Variants in TAFA5 observed in about 807,000 individuals in gnomAD.
TAFA5 encodes the protein chemokine-like protein TAFA-5.
TAFA5 carries 6 observed loss-of-function variants against 15.3 expected under a neutral mutation model. That is an observed-to-expected ratio of 0.39 (90% CI 0.21 to 0.77). The LOEUF (loss-of-function observed/expected upper bound fraction) is 0.77. TAFA5 is among the 30% of genes least tolerant of loss of function. TAFA5 has a pLI of 0.41. For missense variants in TAFA5, 161 were observed against 193.1 expected (o/e 0.83, Z 0.98); for synonymous variants, 103 against 80.7 (o/e 1.28, Z -1.48).
intron 1 of TAFA5, among the ~76,000 whole-genome samples, chr22:48,597,816 G>A (rs1924824332): frequency 1.3e-5 from 2 of 152,266 alleles, no homozygotes; most frequent in African/African-American, 4.8e-5. Context: ...CTCTGGGTGT[G>A]GAGACCCTGG....
chr22:48,504,044 A>G (rs1920970355), intron 1 of TAFA5, among the ~76,000 whole-genome samples: 1 of 152,150 alleles, frequency 6.6e-6, no homozygotes, highest in Non-Finnish European at 1.5e-5. Context: ...CCAGAACTCA[A>G]CACCCAGTTG....
In TAFA5 at chr22:48,588,384, G is replaced by A. The variant is rs368252478; in HGVS notation, c.113-58213G>A. 8.5e-5 allele frequency among the ~76,000 whole-genome samples: 13 copies of A among 152,306 alleles called. No individual in the cohort carries two copies. The East Asian group carries it at 2.1e-3, about 25-fold the overall frequency. On this transcript the variant is annotated intron_variant, in intron 1 of 3. Coordinates refer to ENST00000402357, the MANE Select transcript of TAFA5 (RefSeq NM_001082967.3). ...CCGAGAACCAGGTGCCCTCTCTCCCGACTTTGCTCCCTGGATGGGGCTGCA... is the reference window on the plus strand; with the variant it reads ...CCGAGAACCAGGTGCCCTCTCTCCCAACTTTGCTCCCTGGATGGGGCTGCA...
chr22:48,652,900 C>T (rs986534526), intron 2 of TAFA5, among the ~76,000 whole-genome samples: 3 of 152,252 alleles, frequency 2.0e-5, no homozygotes, highest in Admixed American at 6.5e-5. Flanking sequence ...AGGCCATGGG[C>T]GACTGGGTGT....
At chr22:48,640,062 C>T (rs1926617418) in intron 1 of TAFA5, among the ~76,000 whole-genome samples, 1 of 152,204 alleles carries the variant, frequency 6.6e-6, no homozygotes, top group East Asian at 1.9e-4. Flanking sequence ...TGCTGCAGCC[C>T]CTGAACCCAG....
intron 1 of TAFA5, among the ~76,000 whole-genome samples, chr22:48,576,738 G>T (rs991326652): frequency 1.3e-5 from 2 of 151,512 alleles, no homozygotes; most frequent in African/African-American, 4.8e-5. Flanking sequence ...CCTACCAGGA[G>T]CCCGACCCCC....
chr22:48,730,069 A>G (rs1165353908), intron 3 of TAFA5, among the ~76,000 whole-genome samples: 2 of 152,090 alleles, frequency 1.3e-5, no homozygotes, highest in African/African-American at 4.8e-5. Context: ...ATAACAGCAC[A>G]CTGAATTCTG....
chr22:48,689,898 G>A (rs1928484000), intron 2 of TAFA5, among the ~76,000 whole-genome samples: 1 of 152,160 alleles, frequency 6.6e-6, no homozygotes, highest in Non-Finnish European at 1.5e-5. Context: ...TCACTAGCAA[G>A]GTCCTTGCTG....
At chr22:48,746,560 C>G (rs1930333701) in intron 3 of TAFA5, among the ~76,000 whole-genome samples, 1 of 152,220 alleles carries the variant, frequency 6.6e-6, no homozygotes, top group African/African-American at 2.4e-5. Context: ...AGCCATAGCA[C>G]TAACTCAGGA....
At chr22:48,618,633 C>T (rs928239581) in intron 1 of TAFA5, among the ~76,000 whole-genome samples, 2 of 152,216 alleles carry the variant, frequency 1.3e-5, no homozygotes, top group East Asian at 1.9e-4. Context: ...GCCTTGTCCA[C>T]GCCCGCAGCT....
intron 1 of TAFA5, among the ~76,000 whole-genome samples, chr22:48,607,985 A>G (rs766993992): frequency 7.5e-6 from 1 of 133,466 alleles, no homozygotes; most frequent in Non-Finnish European, 1.7e-5. Context: ...CCCCGGGCCC[A>G]TCCCTCTCCA....
intron 2 of TAFA5, among the ~76,000 whole-genome samples, chr22:48,658,507 G>A (rs189700721): frequency 1.2e-4 from 18 of 152,368 alleles, no homozygotes; most frequent in Middle Eastern, 3.4e-3. Context: ...ACGGAGCACC[G>A]TGACAGTTGA....
At chr22:48,678,119 C>T (rs754864519) in intron 2 of TAFA5, among the ~76,000 whole-genome samples, 1 of 152,190 alleles carries the variant, frequency 6.6e-6, no homozygotes, top group African/African-American at 2.4e-5. Context: ...CCTCCTGAGC[C>T]GCCTCCCTCA....
At chr22:48,533,695 A>C (rs1444202963) in intron 1 of TAFA5, among the ~76,000 whole-genome samples, 2 of 152,214 alleles carry the variant, frequency 1.3e-5, no homozygotes, top group Non-Finnish European at 2.9e-5. Flanking sequence ...CCCTCTGGGC[A>C]TCTTGGTCCC....
chr22:48,741,815 G>A (rs1318116841), intron 3 of TAFA5, among the ~76,000 whole-genome samples: 1 of 152,208 alleles, frequency 6.6e-6, no homozygotes, highest in Non-Finnish European at 1.5e-5. Flanking sequence ...CATCCAGTCT[G>A]GGGTACCTGG....
chr22:48,518,021 T>A (rs1921475311), intron 1 of TAFA5, among the ~76,000 whole-genome samples: 1 of 152,180 alleles, frequency 6.6e-6, no homozygotes. Flanking sequence ...CTCTGAACGC[T>A]GGCCGTGGTC....
chr22:48,738,512 G>A (rs984248338), intron 3 of TAFA5, among the ~76,000 whole-genome samples: 1 of 152,056 alleles, frequency 6.6e-6, no homozygotes, highest in Non-Finnish European at 1.5e-5. Context: ...GGCCTCTCCT[G>A]ACTCCTTGTA....
chr22:48,631,585 C>G (rs1241673237), intron 1 of TAFA5, among the ~76,000 whole-genome samples: 1 of 152,228 alleles, frequency 6.6e-6, no homozygotes. Flanking sequence ...GCCTCATTAC[C>G]CAGATGCACA....
chr22:48,660,136 C>T (rs948393601), intron 2 of TAFA5, among the ~76,000 whole-genome samples: 4 of 151,998 alleles, frequency 2.6e-5, no homozygotes, highest in Non-Finnish European at 4.4e-5. Context: ...GGCTGTCCCC[C>T]CAAAAAAACC....
chr22:48,490,470 C>T lies in TAFA5; in HGVS notation c.112+766C>T, dbSNP rs557043141. Among the ~76,000 whole-genome samples the T allele has an allele frequency of 2.0e-5, 3 of 151,940 alleles. No homozygotes were observed. Among genetic ancestry groups the T allele is most frequent in the African/African-American group, 4.8e-5 (2 of 41,468 alleles). On this transcript the variant is annotated intron_variant, in intron 1 of 3. Transcript: ENST00000402357. This position sits in a 1 kb window ranked among gnomAD's most constrained non-coding sequence, Gnocchi z 5.8. ...CCTGGAGTGAAGGGTGGGGGGTGGC[C>T]TGTGCCCCTGCCGAGGCTCCAGGCG...
Sources: gnomAD v4.1 joint callset for allele counts (sites outside exome capture counted in the v4.1 genomes callset) on GRCh38, gnomAD v4.1.1 for gene constraint, Gnocchi (gnomAD v3.1) non-coding constraint, MANE v1.5 for transcripts, NCBI Gene and HGNC (gene_info 2026-07-23, HGNC 2026-07-21) for gene names.